Variants in CYTH4 observed in about 807,000 individuals in gnomAD.
CYTH4 encodes the protein cytohesin 4, also known as cytohesin-4.
In CYTH4, 22 loss-of-function variants were observed where a neutral mutation model predicts 57.5. The observed-to-expected ratio is 0.38, with a 90% CI of 0.27 to 0.55. The LOEUF is 0.55. Among genes scored for constraint, CYTH4 ranks in the 20% least tolerant of loss-of-function variants. The pLI is 0.74. For missense variants in CYTH4, 420 were observed against 535.6 expected (o/e 0.78, Z 2.13); for synonymous variants, 186 against 206.5 (o/e 0.90, Z 0.85).
Position 37,303,306 on chromosome 22 carries a change from C to T in CYTH4, c.600C>T (p.His200=), listed in dbSNP as rs756164286. 1.2e-6 allele frequency: 2 copies of T among 1,614,236 alleles called. No homozygotes were observed. Among genetic ancestry groups the T allele is most frequent in the Non-Finnish European group, 1.7e-6 (2 of 1,180,034 alleles). ...TCATCATGCTCAACACCAGCCTCCA[C>T]AATCCCAACGTCCGGGACAGGCCGC... The part of the protein sequence containing the change: ...FSIIMLNTSL[H]NPNVRDRPPF... The change falls in exon 8 of 13, where the codon CAC becomes CAT. Residue 200 remains histidine, a synonymous_variant. Transcript: ENST00000248901.
intron 9 of CYTH4, chr22:37,310,007 AGCCGGGGACAGC>A (rs1299815527): frequency 2.1e-6 from 1 of 469,538 alleles, no homozygotes; most frequent in Non-Finnish European, 4.4e-6. Context: ...GGGACAGCCA[AGCCGGGGACAGC>A]GCCTCCAGGG....
At chr22:37,285,767 A>C (rs1456252455) in intron 1 of CYTH4, among the ~76,000 whole-genome samples, 1 of 152,156 alleles carries the variant, frequency 6.6e-6, no homozygotes, top group Non-Finnish European at 1.5e-5. Context: ...CCGGTGCCTG[A>C]AACTCTGAAA....
intron 1 of CYTH4, among the ~76,000 whole-genome samples, chr22:37,285,083 A>G (rs1928502166): frequency 6.6e-6 from 1 of 152,208 alleles, no homozygotes; most frequent in Non-Finnish European, 1.5e-5. Flanking sequence ...CTCTTTATTT[A>G]GGGCCCTGAG....
chr22:37,311,873 A>T lies in CYTH4; in HGVS notation c.958-147A>T. The T allele has an allele frequency of 1.0e-6, 1 of 1,003,938 alleles. No individual in the cohort carries two copies. Among genetic ancestry groups the T allele is most frequent in the Non-Finnish European group, 1.4e-6 (1 of 692,724 alleles). 62.2% of individuals were successfully genotyped at this position (1,003,938 alleles called of 1,614,324 possible). A position where few individuals can be genotyped will look rare whatever the true frequency, so the allele number is the denominator to read the frequency against. Reference sequence around the variant, plus strand: ...GGAGCCTGCCACAGAGAGAGTGCTCAGTGTGGGAGCAGCAGCTCCTGCCCC... The same window carrying T: ...GGAGCCTGCCACAGAGAGAGTGCTCTGTGTGGGAGCAGCAGCTCCTGCCCC... On this transcript the variant is annotated intron_variant, in intron 11 of 12. Transcript: ENST00000248901. The surrounding 1 kb of genome is among the most constrained non-coding windows in gnomAD (Gnocchi z 4.4).
At chr22:37,299,431 A>G in intron 6 of CYTH4, 125 bp downstream of exon 6, 2 of 869,526 alleles carry the variant, frequency 2.3e-6, no homozygotes, top group Admixed American at 4.0e-5. Flanking sequence ...GGAGGCAAGG[A>G]ACAAGAATGA....
intron 4 of CYTH4, chr22:37,296,292 G>A (rs1387702618): frequency 5.2e-6 from 3 of 577,448 alleles, no homozygotes; most frequent in African/African-American, 3.8e-5. Context: ...GAGCATGGAG[G>A]AGGCCACGGT....
At position 37,299,302 on chromosome 22, in the gene CYTH4, C is replaced by A. The variant is rs750852736; in HGVS notation, c.430C>A (p.Leu144Ile). The A allele has an allele frequency of 6.2e-7, 1 of 1,614,076 alleles. No homozygotes were observed. Among genetic ancestry groups the A allele is most frequent in the South Asian group, 1.1e-5 (1 of 91,074 alleles). Residue 144 changes from leucine to isoleucine, a missense_variant, in exon 6 of 13, where the codon CTC (leucine) becomes ATC (isoleucine). Coordinates refer to ENST00000248901, the MANE Select transcript of CYTH4 (RefSeq NM_013385.5). ...EFANLNLVQA[L>I]RQFLWSFRLP... ...CGCCAACCTCAACCTCGTCCAGGCC[C>A]TCAGGTGAGTAGTCCTGGGGCAGGG...
intron 1 of CYTH4, among the ~76,000 whole-genome samples, chr22:37,290,751 G>T (rs1342086158): frequency 6.6e-6 from 1 of 152,246 alleles, no homozygotes; most frequent in East Asian, 1.9e-4. Flanking sequence ...CTCGTGACCC[G>T]CCCGCCTCGG....
rs111274068 is a variant in CYTH4 at position 37,310,866 on chromosome 22, C to T, written c.809-122C>T. 1.0e-4 allele frequency: 100 copies of T among 977,144 alleles called. No individual in the cohort carries two copies. The Middle Eastern group carries it at 1.6e-3, about 16-fold the overall frequency. The allele number at this position is 977,144 out of a possible 1,614,324, so 60.5% of individuals were successfully genotyped here. A position where few individuals can be genotyped will look rare whatever the true frequency, so the allele number is the denominator to read the frequency against. On this transcript the variant is annotated intron_variant, in intron 9 of 12. Coordinates refer to ENST00000248901, the MANE Select transcript of CYTH4 (RefSeq NM_013385.5). The stretch of plus-strand genomic sequence containing the variant: ...AGATGTTGGGGGGAGGTGTGGTGGA[C>T]GAAGTTTAGGGCACTCAGCTGGGGG...
chr22:37,294,818 CT>C, intron 3 of CYTH4, 94 bp downstream of exon 3: 1 of 1,451,626 alleles, frequency 6.9e-7, no homozygotes, highest in East Asian at 2.3e-5. Flanking sequence ...TCCCAGCCCC[CT>C]GGACCTGGTG....
At chr22:37,294,638 T>C in intron 2 of CYTH4, 22 bp from the exon 3 acceptor site, 15 of 1,613,428 alleles carry the variant, frequency 9.3e-6, no homozygotes, top group Non-Finnish European at 1.3e-5. Context: ...ACTCTCCCTG[T>C]CCTGCCCCTG....
intron 9 of CYTH4, among the ~76,000 whole-genome samples, chr22:37,309,627 C>T (rs1352958157): frequency 4.6e-5 from 7 of 152,150 alleles, no homozygotes; most frequent in African/African-American, 7.2e-5. Context: ...CTCTCCCCAG[C>T]GGAATGGGGA....
intron 9 of CYTH4, 48 bp from the exon 10 acceptor site, chr22:37,310,940 G>C: frequency 6.2e-7 from 1 of 1,602,460 alleles, no homozygotes; most frequent in African/African-American, 1.3e-5. Context: ...GGAGGTGTCA[G>C]TGGCCCAGGA....
intron 5 of CYTH4, 137 bp from the exon 6 acceptor site, chr22:37,299,089 A>G: frequency 1.5e-6 from 1 of 679,470 alleles, no homozygotes; most frequent in Non-Finnish European, 2.7e-6. Flanking sequence ...GACAGATGTG[A>G]ACACACCAGA....
intron 8 of CYTH4, chr22:37,304,410 A>G (rs1486605767): frequency 2.6e-6 from 1 of 378,634 alleles, no homozygotes. Flanking sequence ...TATTCATAAG[A>G]ACAGGAAGGA....
In CYTH4 at chr22:37,286,100, AG is replaced by A. The variant is rs1326584834; in HGVS notation, c.19+3516del. ...CCCAGCTCTGCAAAGTTGGCTTTGC[AG>A]GGGTTGGGTGGGGGCAACTGCAGGC... On this transcript the variant is annotated intron_variant, in intron 1 of 12. Transcript: ENST00000248901. 1.2e-4 allele frequency among the ~76,000 whole-genome samples: 12 copies of A among 100,982 alleles called. 2 individuals carry two copies. The South Asian group carries it at 5.0e-3, about 42-fold the overall frequency. 66.2% of individuals were successfully genotyped at this position (100,982 alleles called of 152,430 possible).
intron 1 of CYTH4, among the ~76,000 whole-genome samples, chr22:37,290,064 C>A (rs1479659800): frequency 6.6e-6 from 1 of 152,136 alleles, no homozygotes; most frequent in Non-Finnish European, 1.5e-5. Flanking sequence ...ACCCCATGGG[C>A]CAAGGTACCA....
chr22:37,283,514 G>T (rs548208346), intron 1 of CYTH4, among the ~76,000 whole-genome samples: 1 of 152,192 alleles, frequency 6.6e-6, no homozygotes, highest in Admixed American at 6.5e-5. Flanking sequence ...TGCTTCAAAC[G>T]CACCTAATGT....
At chr22:37,303,628 G>A (rs573284994) in intron 8 of CYTH4, among the ~76,000 whole-genome samples, 1 of 152,314 alleles carries the variant, frequency 6.6e-6, no homozygotes, top group East Asian at 1.9e-4. Context: ...AAGGATGTCC[G>A]AGATAGACCA....
Sources: gnomAD v4.1 joint callset for allele counts (sites outside exome capture counted in the v4.1 genomes callset) on GRCh38, gnomAD v4.1.1 for gene constraint, Gnocchi (gnomAD v3.1) non-coding constraint, MANE v1.5 for transcripts, NCBI Gene and HGNC (gene_info 2026-07-23, HGNC 2026-07-21) for gene names.